Variants in CAPN14 observed in about 807,000 individuals in gnomAD.
CAPN14 encodes the protein calpain 14, also known as calpain-14.
A neutral mutation model predicts 101.3 loss-of-function variants in CAPN14; 94 were observed. That is an observed-to-expected ratio of 0.93 (90% CI 0.79 to 1.10). The LOEUF (loss-of-function observed/expected upper bound fraction) is 1.10, where lower values mean the gene tolerates loss of function less well. CAPN14 is among the 50% of genes least tolerant of loss of function. The pLI is 0.00. For missense variants in CAPN14, 837 were observed against 828.4 expected, an observed-to-expected ratio of 1.01 and a Z score of -0.13; for synonymous variants, 338 against 317.9, an observed-to-expected ratio of 1.06 and a Z score of -0.67.
At chr2:31,198,620 C>A (rs1249164370) in intron 7 of CAPN14, among the ~76,000 whole-genome samples, 1 of 152,090 alleles carries the variant, frequency 6.6e-6, no homozygotes, top group Non-Finnish European at 1.5e-5. Flanking sequence ...GGCACACAGA[C>A]CAACATAGTT....
At chr2:31,203,166 T>C in intron 2 of CAPN14, 27 bp from the exon 3 acceptor site, 1 of 1,548,000 alleles carries the variant, frequency 6.5e-7, no homozygotes, top group Non-Finnish European at 8.7e-7. Flanking sequence ...GAATTGTCAT[T>C]CTGACCTAGA....
intron 16 of CAPN14, among the ~76,000 whole-genome samples, chr2:31,181,282 A>G (rs1175996170): frequency 6.6e-6 from 1 of 152,128 alleles, no homozygotes; most frequent in Non-Finnish European, 1.5e-5. Flanking sequence ...GGCCAGGATC[A>G]TAGAGTCAAA....
At chr2:31,228,060 G>T (rs893346889) in intron 1 of CAPN14, among the ~76,000 whole-genome samples, 1 of 152,242 alleles carries the variant, frequency 6.6e-6, no homozygotes, top group African/African-American at 2.4e-5. Context: ...CCCGCGTGGT[G>T]AGGAGCAGGA....
At chr2:31,192,129 G>T in intron 10 of CAPN14, 31 bp from the exon 11 acceptor site, 1 of 1,513,362 alleles carries the variant, frequency 6.6e-7, no homozygotes, top group South Asian at 1.3e-5. Context: ...GTGAGAATGG[G>T]CCCCGGATCC....
At chr2:31,183,795 C>T (rs1375195206) in intron 16 of CAPN14, among the ~76,000 whole-genome samples, 1 of 151,200 alleles carries the variant, frequency 6.6e-6, no homozygotes, top group Non-Finnish European at 1.5e-5. Flanking sequence ...TCCCTCCTTT[C>T]CTTCCTTCCT....
intron 16 of CAPN14, among the ~76,000 whole-genome samples, chr2:31,185,165 A>T (rs1366378097): frequency 6.6e-6 from 1 of 152,216 alleles, no homozygotes; most frequent in East Asian, 1.9e-4. Context: ...TTCTTCCAAG[A>T]CATTAATAAA....
chr2:31,187,913 C>T, intron 14 of CAPN14, 99 bp from the exon 15 acceptor site: 3 of 951,790 alleles, frequency 3.2e-6, no homozygotes, highest in African/African-American at 1.7e-5. Flanking sequence ...TTCTGAAATC[C>T]ATGAGCTTGA....
intron 15 of CAPN14, 70 bp from the exon 16 acceptor site, chr2:31,186,555 T>C (rs1680909131): frequency 5.2e-6 from 6 of 1,143,020 alleles, no homozygotes; most frequent in Non-Finnish European, 7.5e-6. Context: ...AGAGGGGTCA[T>C]ATGACTGGCC....
At chr2:31,227,703 G>A (rs886770243) in intron 1 of CAPN14, among the ~76,000 whole-genome samples, 5 of 152,220 alleles carry the variant, frequency 3.3e-5, no homozygotes, top group Non-Finnish European at 5.9e-5. Context: ...GTTTTAACTC[G>A]GCCTGATCTC....
At chr2:31,208,198 C>T (rs6709207) in intron 1 of CAPN14, among the ~76,000 whole-genome samples, 7,429 of 151,840 alleles carry the variant, frequency 0.049, 182 homozygotes, top group African/African-American at 0.057. Context: ...GAGTTTTTTT[C>T]CCTAATGTGG....
intron 1 of CAPN14, among the ~76,000 whole-genome samples, chr2:31,211,671 GCACACACACA>G (rs34380519): frequency 2.7e-5 from 4 of 149,344 alleles, no homozygotes; most frequent in Admixed American, 2.0e-4. Flanking sequence ...GTGTGCATGT[GCACACACACA>G]CACACACACA....
chr2:31,175,556 G>A (rs1680249102), intron 21 of CAPN14, among the ~76,000 whole-genome samples: 1 of 152,192 alleles, frequency 6.6e-6, no homozygotes, highest in Non-Finnish European at 1.5e-5. Context: ...AGCCACTGTG[G>A]AAGGATTGCC....
chr2:31,180,061 T>C (rs1680509449), intron 17 of CAPN14, among the ~76,000 whole-genome samples: 1 of 152,200 alleles, frequency 6.6e-6, no homozygotes. Flanking sequence ...CATGCCCAGA[T>C]ACCCCTACCA....
rs933700717 is a variant in CAPN14 at position 31,203,121 on chromosome 2, G to A, written c.244C>T (p.Gln82Ter). 1.3e-6 allele frequency: 2 copies of A among 1,551,432 alleles called. No individual in the cohort carries two copies. Among genetic ancestry groups the A allele is most frequent in the Non-Finnish European group, 1.7e-6 (2 of 1,146,940 alleles). ...KRPPELHSNP[Q>*]FYFAKAKRLD... The stretch of plus-strand genomic sequence containing the variant: ...CTTTTGGCCTTGGCAAAATAAAACT[G>A]GGGATTGCTGTGCAGCTCCTGGGAA... The change falls in exon 3 of 22, where the codon CAG becomes TAG. Residue 82 changes from glutamine to a stop codon, truncating the protein, a stop_gained. Transcript: ENST00000403897. LOFTEE classifies it high-confidence loss of function.
chr2:31,225,630 T>G (rs1415420406), intron 2 of CAPN14, among the ~76,000 whole-genome samples: 1 of 152,136 alleles, frequency 6.6e-6, no homozygotes, highest in Non-Finnish European at 1.5e-5. Context: ...ATTTTGCAAA[T>G]GACTTATCTG....
intron 10 of CAPN14, among the ~76,000 whole-genome samples, chr2:31,192,494 G>T (rs1681244305): frequency 6.6e-6 from 1 of 152,170 alleles, no homozygotes; most frequent in African/African-American, 2.4e-5. Flanking sequence ...GACTATGGGG[G>T]AAATACTGTG....
intron 16 of CAPN14, among the ~76,000 whole-genome samples, chr2:31,181,681 C>G (rs1680643416): frequency 1.1e-5 from 1 of 90,194 alleles, no homozygotes; most frequent in Non-Finnish European, 2.0e-5. Context: ...CCTCCCCCCA[C>G]CCCACAACAG....
chr2:31,213,442 C>T (rs11680892), intron 1 of CAPN14, among the ~76,000 whole-genome samples: 66,464 of 152,032 alleles, frequency 0.44, 15,748 homozygotes, highest in East Asian at 0.59. Flanking sequence ...GTCATTGCCA[C>T]GGAGTTCTTA....
chr2:31,196,601 C>T (rs1414359113), intron 8 of CAPN14, among the ~76,000 whole-genome samples: 2 of 152,150 alleles, frequency 1.3e-5, no homozygotes, highest in African/African-American at 2.4e-5. Flanking sequence ...AAGTATTATA[C>T]ATCTTCATAA....
Sources: allele counts gnomAD v4.1 joint callset (sites outside exome capture counted in the v4.1 genomes callset), GRCh38; gene constraint gnomAD v4.1.1; transcripts MANE v1.5; gene names NCBI Gene and HGNC (gene_info 2026-07-23, HGNC 2026-07-21).